Variants in WFS1 observed in about 807,000 individuals in gnomAD.
WFS1 encodes the protein wolframin.
Under a neutral mutation model 68.5 loss-of-function variants are expected in WFS1, and 90 were observed. The ratio of observed to expected loss-of-function variants is 1.31; its 90% CI spans 1.11 to 1.56. The LOEUF (loss-of-function observed/expected upper bound fraction) is 1.56, where lower values mean the gene tolerates loss of function less well. Among genes scored for constraint, WFS1 ranks in the 40% most tolerant of loss-of-function variants. The probability of loss-of-function intolerance (pLI) is 0.00; values close to 1 mark genes in which losing one functional copy is unlikely to be tolerated. For synonymous variants in WFS1, 860 were observed against 540.7 expected, an observed-to-expected ratio of 1.59 and a Z score of -8.19; for missense variants, 1,767 against 1,232.6, an observed-to-expected ratio of 1.43 and a Z score of -6.49.
intron 1 of WFS1, among the ~76,000 whole-genome samples, chr4:6,272,063 G>T (rs1729858423): frequency 6.6e-6 from 1 of 152,230 alleles, no homozygotes; most frequent in African/African-American, 2.4e-5. Flanking sequence ...TTGTCCAGAA[G>T]GCTCAGTCAA....
At position 6,300,483 on chromosome 4, in the gene WFS1, G is replaced by T. The variant is rs540805246; in HGVS notation, c.862-174G>T. On this transcript the variant is annotated intron_variant, in intron 7 of 7. Transcript: ENST00000226760. ...GGGCTCACAGGGACCGCGAGCATGG[G>T]GAGGGCCACCTGGAGAAGGGGGGAG... is the stretch of plus-strand genomic sequence containing the variant. Among the ~76,000 whole-genome samples, 6 of 152,204 alleles carry T rather than the reference G, an allele frequency of 3.9e-5. No individual in the cohort carries two copies. In the East Asian group the frequency reaches 1.2e-3, roughly 29 times the overall value.
intron 4 of WFS1, among the ~76,000 whole-genome samples, chr4:6,290,265 A>G (rs1286152524): frequency 1.3e-5 from 2 of 152,224 alleles, no homozygotes; most frequent in Non-Finnish European, 2.9e-5. Flanking sequence ...AGTTACATTT[A>G]TTATACAGAG....
Position 6,298,578 on chromosome 4 carries a change from TCCTAAACACTTC to T in WFS1, c.862-2077_862-2066del, listed in dbSNP as rs372878239. On this transcript the variant is annotated intron_variant, in intron 7 of 7. Transcript: ENST00000226760. ...CACGTGTAGACGTGCATGCACACACTCCTAAACACTTCCGTTTCTTCCATGAGCCTGTCCTTC... is the reference window on the plus strand; with the variant it reads ...CACGTGTAGACGTGCATGCACACACTCGTTTCTTCCATGAGCCTGTCCTTC... Among the ~76,000 whole-genome samples, 1,040 of 152,158 alleles carry T rather than the reference TCCTAAACACTTC, an allele frequency of 6.8e-3. 12 individuals are homozygous for T. The highest frequency in any genetic ancestry group is 0.024 in the African/African-American group (998 of 41,564).
intron 6 of WFS1, 96 bp downstream of exon 6, chr4:6,292,093 ATC>A: frequency 7.7e-7 from 1 of 1,296,330 alleles, no homozygotes; most frequent in Non-Finnish European, 1.1e-6. Flanking sequence ...GGCCTGCCCT[ATC>A]TCACCCGTGC....
chr4:6,300,661 T>G lies in WFS1; in HGVS notation c.866T>G (p.Val289Gly). Residue 289 changes from valine (V) to glycine (G), a missense_variant, in exon 8 of 8, where the codon GTC becomes GGC. Physicochemically the swap from Val to Gly is moderately radical, Grantham distance 109 (BLOSUM62 -3). Transcript: ENST00000226760. ...PEDLPLRLKVVKYPLHAIMEI... is the reference protein window; with the variant it reads ...PEDLPLRLKVGKYPLHAIMEI... ...CACGTACCATCTTTCCCCCAGGTGG[T>G]CAAGTACCCCCTGCACGCCATCATG... 1 of 1,613,814 alleles carries G rather than the reference T, an allele frequency of 6.2e-7. No homozygotes were observed. The highest frequency in any genetic ancestry group is 8.5e-7 in the Non-Finnish European group (1 of 1,179,914).
chr4:6,301,141 C>G lies in WFS1; in HGVS notation c.1346C>G (p.Thr449Ser), dbSNP rs777508919. The G allele has an allele frequency of 6.2e-7, 1 of 1,613,336 alleles. No homozygotes were observed. Among genetic ancestry groups the G allele is most frequent in the Non-Finnish European group, 8.5e-7 (1 of 1,180,008 alleles). ...GTGACCAGCTACCTGAGCCTGAGCA[C>G]CCATGCAGAGCCCTACACGCGCAGG... ...FTVTSYLSLS[T>S]HAEPYTRRAL... Residue 449 changes from threonine (T) to serine (S), a missense_variant, in exon 8 of 8, where the codon ACC (threonine) becomes AGC (serine). Thr to Ser is a moderately conservative substitution (Grantham distance 58). Transcript: ENST00000226760.
At chr4:6,271,124 G>A (rs1729826513) in intron 1 of WFS1, among the ~76,000 whole-genome samples, 2 of 152,244 alleles carry the variant, frequency 1.3e-5, no homozygotes, top group South Asian at 4.1e-4. Flanking sequence ...AGGAGAGGGA[G>A]CCCACGGGAA....
intron 4 of WFS1, among the ~76,000 whole-genome samples, chr4:6,290,900 C>T (rs1387649742): frequency 6.6e-6 from 1 of 152,186 alleles, no homozygotes; most frequent in Non-Finnish European, 1.5e-5. Flanking sequence ...GCCTGTGCCT[C>T]CGGGTCTGCA....
At position 6,302,548 on chromosome 4, in the gene WFS1, C is replaced by T. The variant is rs183014938; in HGVS notation, c.*80C>T. On this transcript the variant is annotated 3_prime_UTR_variant, in exon 8 of 8. Coordinates refer to ENST00000226760, the MANE Select transcript of WFS1 (RefSeq NM_006005.3). ...GTGTGGCCCCAGCCCGACAGGCATG[C>T]ACCAGTGCCGCCTGTGCCCACGTGT... The T allele has an allele frequency of 1.1e-4, 182 of 1,589,470 alleles. 1 individual carries two copies. The African/African-American group carries it at 2.0e-3, about 17-fold the overall frequency.
rs768693121 is a variant in WFS1 at position 6,301,772 on chromosome 4, C to A, written c.1977C>A (p.Val659=). ...TGTACCGCTCAGAGGGCATGAAGGT[C>A]TACAACTCCACACTGACCTGGCAGC... ...FYVYRSEGMK[V]YNSTLTWQQY... is the part of the protein sequence containing the mutation. Residue 659 remains valine (V), a synonymous_variant, in exon 8 of 8, where the codon GTC becomes GTA. Coordinates refer to ENST00000226760, the MANE Select transcript of WFS1 (RefSeq NM_006005.3). 3.1e-6 allele frequency: 5 copies of A among 1,613,672 alleles called. No individual in the cohort carries two copies. The highest frequency in any genetic ancestry group is 4.2e-6 in the Non-Finnish European group (5 of 1,180,038).
At position 6,295,153 on chromosome 4, in the gene WFS1, G is replaced by A. The variant is rs566634291; in HGVS notation, c.825G>A (p.Ala275=). 166 of 1,612,540 alleles carry A rather than the reference G, an allele frequency of 1.0e-4. No homozygotes were observed. The highest frequency in any genetic ancestry group is 3.6e-4 in the Middle Eastern group (2 of 5,632). The part of the protein sequence containing the change: ...LQDDEDDDEL[A]GKSPEDLPLR... The stretch of plus-strand genomic sequence containing the variant: ...ACGACGAAGATGATGACGAGCTGGC[G>A]GGGAAGAGCCCTGAGGACCTGCCAC... Residue 275 remains alanine (A), a synonymous_variant, in exon 7 of 8, where the codon GCG becomes GCA. Coordinates refer to ENST00000226760, the MANE Select transcript of WFS1 (RefSeq NM_006005.3).
Position 6,301,099 on chromosome 4 carries a change from T to A in WFS1, c.1304T>A (p.Ile435Asn). Residue 435 changes from isoleucine to asparagine, a missense_variant, in exon 8 of 8, where the codon ATC becomes AAC. Transcript: ENST00000226760. The stretch of plus-strand genomic sequence containing the variant: ...ATCCCCTGCTCGGAGCTGGCTGTCA[T>A]CACCGGCTTCTTTACCGTGACCAGC... ...DCIPCSELAVITGFFTVTSYL... is the reference protein window; with the variant it reads ...DCIPCSELAVNTGFFTVTSYL... 15 of 1,613,976 alleles carry A rather than the reference T, an allele frequency of 9.3e-6. No individual in the cohort carries two copies. The highest frequency in any genetic ancestry group is 1.3e-5 in the Non-Finnish European group (15 of 1,180,030).
intron 1 of WFS1, among the ~76,000 whole-genome samples, chr4:6,275,904 G>A (rs866931915): frequency 1.3e-5 from 2 of 152,178 alleles, no homozygotes; most frequent in Non-Finnish European, 2.9e-5. Flanking sequence ...GGACTCCCTC[G>A]TGCTGCCCAT....
chr4:6,288,893 CA>C (rs1730384798), intron 3 of WFS1, 93 bp from the exon 4 acceptor site: 1 of 1,542,372 alleles, frequency 6.5e-7, no homozygotes, highest in Admixed American at 1.9e-5. Flanking sequence ...GCCTGGGTGA[CA>C]AAGGGAAGTG....
chr4:6,284,189 G>A (rs1361720483), intron 2 of WFS1, among the ~76,000 whole-genome samples: 1 of 152,084 alleles, frequency 6.6e-6, no homozygotes, highest in African/African-American at 2.4e-5. Flanking sequence ...GGCCAACATG[G>A]TGAAACCCTG....
chr4:6,284,984 C>A (rs3821940), intron 2 of WFS1, among the ~76,000 whole-genome samples: 89,832 of 150,842 alleles, frequency 0.6, 27,511 homozygotes, highest in East Asian at 0.93. Context: ...GGCAGGGTGA[C>A]GGCAGCAAGG....
intron 6 of WFS1, chr4:6,294,699 T>A (rs376868403): frequency 8.2e-6 from 3 of 364,132 alleles, no homozygotes; most frequent in Admixed American, 7.6e-5. Context: ...GCACTGGAGG[T>A]GCATGTTGTA....
At chr4:6,289,549 TG>T (rs1440939055) in intron 4 of WFS1, among the ~76,000 whole-genome samples, 2 of 152,204 alleles carry the variant, frequency 1.3e-5, no homozygotes, top group South Asian at 2.1e-4. Context: ...TGAGGGGCTG[TG>T]GGCCCACACA....
rs149479911 is a variant in WFS1, at chr4:6,291,978, G to T, written c.693G>T (p.Glu231Asp). Reference sequence around the variant, plus strand: ...TGCAGAAGCAGAGGCGCATGCTGGAGCGCCTGGTCAGCAGCGAGTGTGAGT... The same window carrying T: ...TGCAGAAGCAGAGGCGCATGCTGGATCGCCTGGTCAGCAGCGAGTGTGAGT... ...KSLQKQRRML[E>D]RLVSSESKNY... Residue 231 changes from glutamate (E) to aspartate (D), a missense_variant, in exon 6 of 8, where the codon GAG becomes GAT. Glu to Asp is a conservative substitution (Grantham distance 45). Coordinates refer to ENST00000226760, the MANE Select transcript of WFS1 (RefSeq NM_006005.3). 1.2e-6 allele frequency: 2 copies of T among 1,609,018 alleles called. No homozygotes were observed. Among genetic ancestry groups the T allele is most frequent in the East Asian group, 4.5e-5 (2 of 44,698 alleles).
Sources: allele counts gnomAD v4.1 joint callset (sites outside exome capture counted in the v4.1 genomes callset), GRCh38; gene constraint gnomAD v4.1.1; transcripts MANE v1.5; gene names NCBI Gene and HGNC (gene_info 2026-07-23, HGNC 2026-07-21).